Variants in HIGD1A observed in about 807,000 individuals in gnomAD.
HIGD1A encodes the protein HIG1 domain family member 1A, mitochondrial.
Under a neutral mutation model 11.3 loss-of-function variants are expected in HIGD1A, and 8 were observed. The ratio of observed to expected loss-of-function variants is 0.71; its 90% CI spans 0.42 to 1.28. HIGD1A has a LOEUF of 1.28. Among genes scored for constraint, HIGD1A ranks in the 50% most tolerant of loss-of-function variants. HIGD1A has a pLI of 0.01. For synonymous variants in HIGD1A, 32 were observed against 38.4 expected, an observed-to-expected ratio of 0.83 and a Z score of 0.62; for missense variants, 107 against 118.8, an observed-to-expected ratio of 0.90 and a Z score of 0.46.
At chr3:42,788,810 A>G (rs1200239934) in intron 2 of HIGD1A, among the ~76,000 whole-genome samples, 1 of 151,894 alleles carries the variant, frequency 6.6e-6, no homozygotes, top group Non-Finnish European at 1.5e-5. Flanking sequence ...CCCAGGAGGC[A>G]GAGGCTGCAG....
chr3:42,790,852 G>C (rs376267407), intron 2 of HIGD1A, among the ~76,000 whole-genome samples: 6 of 152,170 alleles, frequency 3.9e-5, no homozygotes, highest in African/African-American at 1.2e-4. Flanking sequence ...CCAGACTAGA[G>C]TTCAGTGGGT....
chr3:42,794,355 C>G, intron 1 of HIGD1A, 80 bp from the exon 2 acceptor site: 1 of 1,279,774 alleles, frequency 7.8e-7, no homozygotes. Flanking sequence ...TAAAATATTC[C>G]TAACTTCCAT....
At chr3:42,788,629 C>T (rs1700380980) in intron 2 of HIGD1A, among the ~76,000 whole-genome samples, 1 of 152,050 alleles carries the variant, frequency 6.6e-6, no homozygotes, top group Non-Finnish European at 1.5e-5. Flanking sequence ...CACCTGTAAT[C>T]CAAGCACTTT....
Position 42,783,268 on chromosome 3 carries a change from C to T in HIGD1A, c.*2003G>A, listed in dbSNP as rs1218686128. Among the ~76,000 whole-genome samples, 1 of 152,136 alleles carries T rather than the reference C, an allele frequency of 6.6e-6. No individual in the cohort carries two copies. Among genetic ancestry groups the T allele is most frequent in the Non-Finnish European group, 1.5e-5 (1 of 68,034 alleles). Reference sequence around the variant, plus strand: ...CACTGATACAATAATAGTTGGGCACCAGAGTGTATCAGCTAAAGCTAAGCT... The same window carrying T: ...CACTGATACAATAATAGTTGGGCACTAGAGTGTATCAGCTAAAGCTAAGCT... On this transcript the variant is annotated 3_prime_UTR_variant, in exon 4 of 4. Transcript: ENST00000321331.
rs747888439 is a variant in HIGD1A at position 42,786,178 on chromosome 3, A to C, written c.98-16T>G. On this transcript the variant is annotated splice_polypyrimidine_tract_variant and intron_variant, in intron 2 of 3. Transcript: ENST00000321331. Reference sequence around the variant, plus strand: ...CCCGCTATTCCTGTAAAACAAAGTAACAAGTATGTCAGATGCATGAGAAGG... The same window carrying C: ...CCCGCTATTCCTGTAAAACAAAGTACCAAGTATGTCAGATGCATGAGAAGG... 1 of 1,613,940 alleles carries C rather than the reference A, an allele frequency of 6.2e-7. No homozygotes were observed. Among genetic ancestry groups the C allele is most frequent in the Non-Finnish European group, 8.5e-7 (1 of 1,179,822 alleles).
intron 1 of HIGD1A, among the ~76,000 whole-genome samples, chr3:42,799,708 A>C (rs1002845531): frequency 1.3e-5 from 2 of 151,928 alleles, no homozygotes; most frequent in Non-Finnish European, 2.9e-5. Context: ...TGCCCGCCTC[A>C]GCCTCCCAAA....
Position 42,784,964 on chromosome 3 carries a change from T to C in HIGD1A, c.*307A>G, listed in dbSNP as rs1700332291. 9.5e-6 allele frequency: 3 copies of C among 316,848 alleles called. No individual in the cohort carries two copies. The highest frequency in any genetic ancestry group is 1.2e-5 in the Non-Finnish European group (2 of 173,082). The allele number at this position is 316,848 out of a possible 1,614,324, so 19.6% of individuals were successfully genotyped here. On this transcript the variant is annotated 3_prime_UTR_variant, in exon 4 of 4. Transcript: ENST00000321331. ...GAGTACCTTCAGGATTGGCCTGTTA[T>C]CTTCTTTAGAACTAAGTTCATCTTA...
Position 42,786,336 on chromosome 3 carries a change from G to A in HIGD1A, c.98-174C>T, listed in dbSNP as rs371233054. 2.6e-5 allele frequency among the ~76,000 whole-genome samples: 4 copies of A among 152,222 alleles called. No individual in the cohort carries two copies. In the East Asian group the frequency reaches 7.7e-4, roughly 29 times the overall value. On this transcript the variant is annotated intron_variant, in intron 2 of 3. Transcript: ENST00000321331. ...CCCTATCAAAACCAAAAATCTTTAA[G>A]CAAACAACAACAGATCCAGAAAGTC... is the stretch of plus-strand genomic sequence containing the variant.
intron 1 of HIGD1A, chr3:42,804,110 C>T: frequency 1.3e-6 from 2 of 1,542,460 alleles, no homozygotes; most frequent in East Asian, 2.4e-5. Context: ...CAGTCAACAC[C>T]CTCCTGGCCC....
intron 1 of HIGD1A, among the ~76,000 whole-genome samples, chr3:42,800,385 C>A (rs894429152): frequency 3.3e-5 from 5 of 151,900 alleles, no homozygotes; most frequent in African/African-American, 1.2e-4. Flanking sequence ...ATGACCTTCT[C>A]AAAGGGGAAG....
chr3:42,800,858 TTC>T (rs1301820288), intron 1 of HIGD1A, among the ~76,000 whole-genome samples: 1 of 152,174 alleles, frequency 6.6e-6, no homozygotes, highest in African/African-American at 2.4e-5. Flanking sequence ...TCTCCGTTTA[TTC>T]TGTTTATTTG....
chr3:42,802,523 C>A (rs539657519), intron 1 of HIGD1A, among the ~76,000 whole-genome samples: 113 of 152,200 alleles, frequency 7.4e-4, no homozygotes, highest in Admixed American at 3.3e-4. Flanking sequence ...TAGTACATAT[C>A]TAAAATACTC....
At position 42,785,319 on chromosome 3, in the gene HIGD1A, A is replaced by C. The variant is rs755418782; in HGVS notation, c.234T>G (p.Gly78=). 1 of 1,608,422 alleles carries C rather than the reference A, an allele frequency of 6.2e-7. No individual in the cohort carries two copies. ...ATTCCCGATACATGGAATAGCCCAT[A>C]CCTAAAGAAAAAGAATGCTAGTTAA... ...QGFVVGAMTV[G]MGYSMYREFW... Residue 78 remains glycine, a splice_region_variant and synonymous_variant, in exon 4 of 4, where the codon GGT becomes GGG. Transcript: ENST00000321331.
intron 2 of HIGD1A, among the ~76,000 whole-genome samples, chr3:42,793,566 A>G (rs539505823): frequency 1.2e-4 from 18 of 152,352 alleles, no homozygotes; most frequent in African/African-American, 4.1e-4. Context: ...GCTGTAATAA[A>G]CTATGACTGT....
chr3:42,790,065 T>C (rs1700403939), intron 2 of HIGD1A, among the ~76,000 whole-genome samples: 1 of 152,058 alleles, frequency 6.6e-6, no homozygotes, highest in Admixed American at 6.6e-5. Flanking sequence ...AAAAAAAAGT[T>C]CCCTTTAAAG....
intron 2 of HIGD1A, among the ~76,000 whole-genome samples, chr3:42,788,915 A>G (rs2125924242): frequency 6.6e-6 from 1 of 152,100 alleles, no homozygotes; most frequent in Middle Eastern, 3.4e-3. Context: ...TGAGAAGAGA[A>G]TTACAAAGCA....
At chr3:42,787,532 A>G (rs980901329) in intron 2 of HIGD1A, among the ~76,000 whole-genome samples, 1 of 149,008 alleles carries the variant, frequency 6.7e-6, no homozygotes. Context: ...CGGAGGTTGC[A>G]GTGAGCCGAG....
chr3:42,796,324 G>A (rs973346878), intron 1 of HIGD1A, among the ~76,000 whole-genome samples: 3 of 151,924 alleles, frequency 2.0e-5, no homozygotes, highest in African/African-American at 7.3e-5. Flanking sequence ...CCTAAGTAAT[G>A]AGCTTTATTA....
At chr3:42,792,413 C>T (rs1700432072) in intron 2 of HIGD1A, among the ~76,000 whole-genome samples, 1 of 152,184 alleles carries the variant, frequency 6.6e-6, no homozygotes, top group East Asian at 1.9e-4. Context: ...GTGGCTCACG[C>T]CTATAATTCC....
Sources: allele counts gnomAD v4.1 joint callset (sites outside exome capture counted in the v4.1 genomes callset), GRCh38; gene constraint gnomAD v4.1.1; transcripts MANE v1.5; gene names NCBI Gene and HGNC (gene_info 2026-07-23, HGNC 2026-07-21).